Variants in BMPR1A observed in about 807,000 individuals in gnomAD.
BMPR1A encodes bone morphogenetic protein receptor type-1A.
A neutral mutation model predicts 66.0 loss-of-function variants in BMPR1A; 7 were observed. That is an observed-to-expected ratio of 0.11 (90% confidence interval 0.06 to 0.20). BMPR1A has a LOEUF of 0.20. Ranked by LOEUF, BMPR1A falls within the 10% of genes least tolerant of loss-of-function variation. BMPR1A has a pLI of 1.00. For synonymous variants in BMPR1A, 200 were observed against 229.7 expected (o/e 0.87, Z 1.17); for missense variants, 408 against 669.1 (o/e 0.61, Z 4.31).
rs113581649 is a variant in BMPR1A at position 86,890,593 on chromosome 10, T to TA, written c.230+378dup. ...GACAACCTCCTACTTCTTTTTAATTTAAAAAAAAATTTTTTTTTTAACTAT... is the reference window on the plus strand; with the variant it reads ...GACAACCTCCTACTTCTTTTTAATTTAAAAAAAAAATTTTTTTTTTAACTAT... On this transcript the variant is annotated intron_variant, in intron 4 of 12. Transcript: ENST00000372037. 1.2e-4 allele frequency among the ~76,000 whole-genome samples: 18 copies of TA among 151,212 alleles called. No homozygotes were observed. The East Asian group carries it at 1.9e-3, about 16-fold the overall frequency.
At chr10:86,876,976 T>C (rs1254697211) in intron 3 of BMPR1A, among the ~76,000 whole-genome samples, 1 of 152,210 alleles carries the variant, frequency 6.6e-6, no homozygotes, top group Non-Finnish European at 1.5e-5. Context: ...CCAGATGGCC[T>C]GTATTTGCAC....
intron 3 of BMPR1A, among the ~76,000 whole-genome samples, chr10:86,885,326 A>AT (rs548522822): frequency 3.1e-4 from 47 of 152,280 alleles, no homozygotes; most frequent in African/African-American, 1.0e-3. Context: ...ACTCATGTTC[A>AT]TTTTTTTACA....
At chr10:86,774,720 T>C (rs935279719) in intron 1 of BMPR1A, among the ~76,000 whole-genome samples, 23 of 152,222 alleles carry the variant, frequency 1.5e-4, no homozygotes, top group African/African-American at 5.5e-4. Context: ...TCAAACAGTA[T>C]ATTGATACTA....
rs892157453 is a variant in BMPR1A at position 86,801,215 on chromosome 10, A to C, written c.-267-37650A>C. On this transcript the variant is annotated intron_variant, in intron 1 of 12. Transcript: ENST00000372037. ...AGTGCAGTGGTGCTATCACGGGCTC[A>C]CTGGAGCCTTGACCTCCCCACGCTC... Among the ~76,000 whole-genome samples the C allele has an allele frequency of 3.3e-5, 5 of 152,036 alleles. 1 individual carries two copies. In the South Asian group the frequency reaches 1.0e-3, roughly 32 times the overall value.
At chr10:86,871,532 C>T (rs1047687623) in intron 2 of BMPR1A, among the ~76,000 whole-genome samples, 2 of 152,166 alleles carry the variant, frequency 1.3e-5, no homozygotes, top group Non-Finnish European at 2.9e-5. Flanking sequence ...AGTCTAGGGC[C>T]AGGCGGTGGT....
intron 2 of BMPR1A, among the ~76,000 whole-genome samples, chr10:86,869,287 G>A (rs1406543422): frequency 1.3e-5 from 2 of 151,610 alleles, no homozygotes; most frequent in Non-Finnish European, 2.9e-5. Flanking sequence ...GTGAAACCCT[G>A]TCTATACTGA....
At chr10:86,902,654 C>A (rs1353908403) in intron 7 of BMPR1A, among the ~76,000 whole-genome samples, 6 of 152,184 alleles carry the variant, frequency 3.9e-5, no homozygotes, top group Non-Finnish European at 7.3e-5. Context: ...GCTTGCCAAT[C>A]AAGGTGTCAG....
chr10:86,796,660 T>C (rs1841715785), intron 1 of BMPR1A, among the ~76,000 whole-genome samples: 1 of 151,946 alleles, frequency 6.6e-6, no homozygotes, highest in African/African-American at 2.4e-5. Flanking sequence ...CACTGCAACT[T>C]CCCCCTCCTA....
chr10:86,792,177 C>G (rs1841637624), intron 1 of BMPR1A, among the ~76,000 whole-genome samples: 1 of 150,258 alleles, frequency 6.7e-6, no homozygotes, highest in Non-Finnish European at 1.5e-5. Context: ...AAGCAATTCT[C>G]CTACCTCAGC....
At chr10:86,842,209 A>T (rs1842433866) in intron 2 of BMPR1A, among the ~76,000 whole-genome samples, 1 of 152,068 alleles carries the variant, frequency 6.6e-6, no homozygotes, top group Non-Finnish European at 1.5e-5. Flanking sequence ...TCGGAATTTA[A>T]TTGGAGGTTC....
intron 1 of BMPR1A, among the ~76,000 whole-genome samples, chr10:86,825,473 TTGTGTG>T (rs34683915): frequency 6.7e-6 from 1 of 148,754 alleles, no homozygotes; most frequent in Admixed American, 6.7e-5. Flanking sequence ...CTTTTTTTGT[TTGTGTG>T]TGTGTGTGTG....
intron 1 of BMPR1A, among the ~76,000 whole-genome samples, chr10:86,806,606 T>C (rs1490210522): frequency 6.6e-6 from 1 of 152,164 alleles, no homozygotes; most frequent in Non-Finnish European, 1.5e-5. Context: ...GACTACAGTG[T>C]GGTGGTGCGA....
At chr10:86,828,918 C>T (rs979753564) in intron 1 of BMPR1A, among the ~76,000 whole-genome samples, 2 of 152,094 alleles carry the variant, frequency 1.3e-5, no homozygotes, top group Non-Finnish European at 2.9e-5. Flanking sequence ...TGAGAATGTG[C>T]AAGTGTTTTT....
At chr10:86,876,260 G>A (rs1404035327) in intron 3 of BMPR1A, among the ~76,000 whole-genome samples, 175 bp downstream of exon 3, 1 of 152,176 alleles carries the variant, frequency 6.6e-6, no homozygotes, top group East Asian at 1.9e-4. Flanking sequence ...TGGCTGTGAT[G>A]GAAACATTTT....
chr10:86,816,243 G>A (rs1176707743), intron 1 of BMPR1A, among the ~76,000 whole-genome samples: 1 of 152,152 alleles, frequency 6.6e-6, no homozygotes, highest in Non-Finnish European at 1.5e-5. Context: ...AAAAAAAGGT[G>A]TAAAATATCT....
intron 1 of BMPR1A, among the ~76,000 whole-genome samples, chr10:86,814,830 G>A (rs1842012862): frequency 6.6e-6 from 1 of 151,932 alleles, no homozygotes; most frequent in South Asian, 2.1e-4. Flanking sequence ...CTGTCGCCTG[G>A]GCTGGAGCGC....
chr10:86,845,853 C>T (rs986547296), intron 2 of BMPR1A, among the ~76,000 whole-genome samples: 3 of 151,838 alleles, frequency 2.0e-5, no homozygotes, highest in African/African-American at 4.8e-5. Context: ...AAAAATTAGC[C>T]GGGTGTGATG....
At chr10:86,761,141 A>G (rs1841049992) in intron 1 of BMPR1A, among the ~76,000 whole-genome samples, 1 of 152,248 alleles carries the variant, frequency 6.6e-6, no homozygotes, top group Non-Finnish European at 1.5e-5. Flanking sequence ...TCAGATGATC[A>G]GTAGACTCCA....
At chr10:86,891,327 T>A (rs1843147884) in intron 4 of BMPR1A, among the ~76,000 whole-genome samples, 3 of 152,222 alleles carry the variant, frequency 2.0e-5, no homozygotes, top group African/African-American at 7.2e-5. Flanking sequence ...GTTAGTAGCT[T>A]AGTAACCCAG....
Sources: gnomAD v4.1 joint callset for allele counts (sites outside exome capture counted in the v4.1 genomes callset) on GRCh38, gnomAD v4.1.1 for gene constraint, MANE v1.5 for transcripts, NCBI Gene and HGNC (gene_info 2026-07-23, HGNC 2026-07-21) for gene names.